ARID1B: variants seen among roughly 807,000 people sequenced by gnomAD.
The protein encoded by ARID1B is AT-rich interactive domain-containing protein 1B.
ARID1B carries 30 observed loss-of-function variants against 212.3 expected under a neutral mutation model. That is an observed-to-expected ratio of 0.14 (90% CI 0.11 to 0.19). ARID1B has a LOEUF of 0.19. ARID1B is among the 10% of genes least tolerant of loss of function. The pLI, the probability that ARID1B is intolerant of heterozygous loss-of-function variation, is 1.00. For missense variants in ARID1B, 2,891 were observed against 3,204.0 expected (o/e 0.90, Z 2.36); for synonymous variants, 1,402 against 1,301.7 (o/e 1.08, Z -1.66).
At chr6:156,990,809 C>T (rs1186859601) in intron 4 of ARID1B, among the ~76,000 whole-genome samples, 55 of 152,208 alleles carry the variant, frequency 3.6e-4, no homozygotes, top group Non-Finnish European at 1.0e-4. Context: ...GACATAGGAA[C>T]CTTTTAACCC....
chr6:157,024,887 AGC>A (rs1180963280), intron 4 of ARID1B: 1 of 152,224 alleles, frequency 6.6e-6, no homozygotes, highest in Non-Finnish European at 1.5e-5. Context: ...TACATTTCTG[AGC>A]TATAAGAAAA....
chr6:156,946,517 A>G (rs1212911969), intron 4 of ARID1B, among the ~76,000 whole-genome samples: 2 of 152,316 alleles, frequency 1.3e-5, no homozygotes, highest in East Asian at 3.9e-4. Flanking sequence ...TAGTATTTCG[A>G]AAGTCTAGAG....
chr6:157,039,858 TTC>T (rs373555401), intron 4 of ARID1B, among the ~76,000 whole-genome samples: 33 of 125,918 alleles, frequency 2.6e-4, no homozygotes, highest in South Asian at 8.1e-4. Context: ...TTCTCTCTCT[TTC>T]TCTCTCTTTC....
chr6:157,068,255 T>C (rs1783802911), intron 4 of ARID1B, among the ~76,000 whole-genome samples: 1 of 152,246 alleles, frequency 6.6e-6, no homozygotes. Context: ...CCCTCTGAAC[T>C]TAATTATGAA....
intron 6 of ARID1B, among the ~76,000 whole-genome samples, chr6:157,114,819 A>T (rs943076006): frequency 6.6e-6 from 1 of 152,082 alleles, no homozygotes; most frequent in Non-Finnish European, 1.5e-5. Flanking sequence ...GATGCAACCT[A>T]CTTCTCTCTA....
intron 4 of ARID1B, among the ~76,000 whole-genome samples, chr6:157,055,234 C>A (rs976581806): frequency 3.9e-5 from 6 of 152,306 alleles, no homozygotes; most frequent in Admixed American, 3.3e-4. Context: ...CAATAATATG[C>A]TGCTATAGAA....
intron 4 of ARID1B, among the ~76,000 whole-genome samples, chr6:157,075,906 C>T (rs1784274530): frequency 1.3e-5 from 2 of 152,092 alleles, no homozygotes; most frequent in African/African-American, 2.4e-5. Flanking sequence ...GGAGACACGG[C>T]GAGTCATTGT....
chr6:156,944,127 G>A lies in ARID1B; in HGVS notation c.2247+8551G>A, dbSNP rs78948330. Among the ~76,000 whole-genome samples, 404 of 152,206 alleles carry A rather than the reference G, an allele frequency of 2.7e-3. 2 individuals are homozygous for A. Among genetic ancestry groups the A allele is most frequent in the African/African-American group, 9.4e-3 (390 of 41,538 alleles). On this transcript the variant is annotated intron_variant, in intron 4 of 19. Transcript: ENST00000636930. ...CTAGCTCCAAAATTTTACATTAAAAGCCATCTTTGTTAGTGTATGAGAAAA... is the reference window on the plus strand; with the variant it reads ...CTAGCTCCAAAATTTTACATTAAAAACCATCTTTGTTAGTGTATGAGAAAA...
At chr6:156,808,935 T>C (rs1781372282) in intron 1 of ARID1B, among the ~76,000 whole-genome samples, 2 of 152,366 alleles carry the variant, frequency 1.3e-5, no homozygotes, top group Middle Eastern at 3.4e-3. Flanking sequence ...GAGTTTGTTT[T>C]ATCTGTGTGA....
rs7765775 is a variant in ARID1B, at chr6:157,208,665, G to A, written c.*774G>A. 443 of 223,328 alleles carry A rather than the reference G, an allele frequency of 2.0e-3. 1 individual carries two copies. The highest frequency in any genetic ancestry group is 9.7e-3 in the African/African-American group (422 of 43,288). The allele number at this position is 223,328 out of a possible 1,614,324, so 13.8% of individuals were successfully genotyped here. A position where few individuals can be genotyped will look rare whatever the true frequency, so the allele number is the denominator to read the frequency against. On this transcript the variant is annotated 3_prime_UTR_variant, in exon 20 of 20. Coordinates refer to ENST00000636930, the MANE Select transcript of ARID1B (RefSeq NM_001374828.1). ...ATATTTTTTTTACTGCCTATGGGCTGTGATGTATATAGAAGTTGTACATTA... is the reference window on the plus strand; with the variant it reads ...ATATTTTTTTTACTGCCTATGGGCTATGATGTATATAGAAGTTGTACATTA...
chr6:157,073,263 T>TGA (rs1784100331), intron 4 of ARID1B, among the ~76,000 whole-genome samples: 1 of 151,786 alleles, frequency 6.6e-6, no homozygotes. Context: ...CCACAACACC[T>TGA]GCCTAAATTT....
chr6:157,142,138 G>T (rs1789404837), intron 7 of ARID1B, among the ~76,000 whole-genome samples: 1 of 152,214 alleles, frequency 6.6e-6, no homozygotes, highest in African/African-American at 2.4e-5. Flanking sequence ...GTGACTCCAT[G>T]TGACGTTGTA....
chr6:156,894,369 G>C (rs1479155277), intron 2 of ARID1B, among the ~76,000 whole-genome samples: 1 of 151,752 alleles, frequency 6.6e-6, no homozygotes, highest in Non-Finnish European at 1.5e-5. Context: ...TTTCCATTTG[G>C]GATGATGAAA....
chr6:156,810,072 T>C (rs1382168656), intron 1 of ARID1B, among the ~76,000 whole-genome samples: 3 of 152,226 alleles, frequency 2.0e-5, no homozygotes, highest in Admixed American at 6.5e-5. Context: ...ATGTGAAATA[T>C]AGGAAGGGGA....
At chr6:157,020,863 T>C (rs2128472522) in intron 4 of ARID1B, among the ~76,000 whole-genome samples, 1 of 152,314 alleles carries the variant, frequency 6.6e-6, no homozygotes, top group South Asian at 2.1e-4. Flanking sequence ...AGTCCTTAAT[T>C]TTCTTACAAA....
rs1043830497 is a variant in ARID1B at position 157,190,803 on chromosome 6, G to C, written c.4231+593G>C. ...GTTGGTGGAAGACAGGAAAGTGAAA[G>C]GAAGAAAGGATACAGATAGCAGTGG... is the stretch of plus-strand genomic sequence containing the variant. On this transcript the variant is annotated intron_variant, in intron 15 of 19. Coordinates refer to ENST00000636930, the MANE Select transcript of ARID1B (RefSeq NM_001374828.1). This position sits in a 1 kb window ranked among gnomAD's most constrained non-coding sequence, Gnocchi z 4.6. Among the ~76,000 whole-genome samples the C allele has an allele frequency of 9.9e-5, 15 of 152,202 alleles. No individual in the cohort carries two copies. The highest frequency in any genetic ancestry group is 3.6e-4 in the African/African-American group (15 of 41,460).
intron 4 of ARID1B, among the ~76,000 whole-genome samples, chr6:157,080,943 T>C (rs1329585626): frequency 6.6e-6 from 1 of 152,266 alleles, no homozygotes; most frequent in African/African-American, 2.4e-5. Context: ...AAGTAATCAG[T>C]ATTCCGAGTG....
intron 3 of ARID1B, among the ~76,000 whole-genome samples, chr6:156,927,838 C>T (rs543058296): frequency 1.2e-4 from 18 of 152,330 alleles, no homozygotes; most frequent in African/African-American, 4.1e-4. Flanking sequence ...TTGCTGGGCC[C>T]TTGGGAATCC....
Position 157,206,731 on chromosome 6 carries a change from G to A in ARID1B, c.5959G>A (p.Asp1987Asn), listed in dbSNP as rs200305796. 2.4e-5 allele frequency: 38 copies of A among 1,612,782 alleles called. No homozygotes were observed. Among genetic ancestry groups the A allele is most frequent in the Middle Eastern group, 1.6e-4 (1 of 6,084 alleles). The part of the protein sequence containing the change: ...GRKKEQEGKG[D>N]SEEQQEKSII... ...AAAGAAAGAGCAAGAAGGCAAAGGC[G>A]ACTCTGAAGAGCAGCAAGAGAAAAG... Residue 1987 changes from aspartate to asparagine, a missense_variant, in exon 20 of 20, where the codon GAC (aspartate) becomes AAC (asparagine). By Grantham distance (23) the Asp-to-Asn change is conservative. Around this residue, in one of 7 missense-constraint regions of ARID1B, gnomAD observed 332 missense variants for 369.2 expected, o/e 0.90. Coordinates refer to ENST00000636930, the MANE Select transcript of ARID1B (RefSeq NM_001374828.1). This position sits in a 1 kb window ranked among gnomAD's most constrained non-coding sequence, Gnocchi z 6.8.
Sources: gnomAD v4.1 joint callset for allele counts (sites outside exome capture counted in the v4.1 genomes callset) on GRCh38, gnomAD v4.1.1 for gene constraint, gnomAD v4.1.1 regional missense constraint, Gnocchi (gnomAD v3.1) non-coding constraint, MANE v1.5 for transcripts, NCBI Gene and HGNC (gene_info 2026-07-23, HGNC 2026-07-21) for gene names.